The following MEGF11 variants were observed in gnomAD, a reference collection of about 807,000 sequenced individuals.
MEGF11 encodes the protein multiple epidermal growth factor-like domains protein 11.
Under a neutral mutation model 146.6 loss-of-function variants are expected in MEGF11, and 126 were observed. The observed-to-expected ratio is 0.86, with a 90% CI of 0.74 to 1.00. The LOEUF (loss-of-function observed/expected upper bound fraction) is 1.00, where lower values mean the gene tolerates loss of function less well. Among genes scored for constraint, MEGF11 ranks in the 50% least tolerant of loss-of-function variants. MEGF11 has a pLI of 0.00. For synonymous variants in MEGF11, 532 were observed against 583.4 expected (o/e 0.91, Z 1.27); for missense variants, 1,509 against 1,521.2 (o/e 0.99, Z 0.13).
At chr15:66,037,062 A>C (rs1307251696) in intron 5 of MEGF11, among the ~76,000 whole-genome samples, 1 of 152,190 alleles carries the variant, frequency 6.6e-6, no homozygotes, top group Non-Finnish European at 1.5e-5. Context: ...GCTGATAATG[A>C]CATTTCATGG....
chr15:66,063,743 G>T (rs1395315851), intron 5 of MEGF11, among the ~76,000 whole-genome samples: 2 of 152,182 alleles, frequency 1.3e-5, no homozygotes, highest in Non-Finnish European at 2.9e-5. Context: ...CTACACTTGG[G>T]AGTTCTCCAT....
At chr15:66,137,942 C>A (rs542586961) in intron 1 of MEGF11, among the ~76,000 whole-genome samples, 1 of 152,214 alleles carries the variant, frequency 6.6e-6, no homozygotes, top group South Asian at 2.1e-4. Context: ...GCCTGCAGTC[C>A]CAGCTACTCA....
At chr15:65,970,510 G>C (rs2081266243) in intron 8 of MEGF11, 43 bp downstream of exon 8, 1 of 1,595,328 alleles carries the variant, frequency 6.3e-7, no homozygotes, top group Non-Finnish European at 8.6e-7. Flanking sequence ...CTATGAATAT[G>C]AGTAAAATGG....
chr15:66,233,621 A>G (rs2092020960), intron 1 of MEGF11, among the ~76,000 whole-genome samples: 1 of 152,222 alleles, frequency 6.6e-6, no homozygotes, highest in African/African-American at 2.4e-5. Flanking sequence ...AAGTCACCAC[A>G]GCAAATGCCT....
chr15:65,978,004 G>A (rs1020921465), intron 7 of MEGF11, among the ~76,000 whole-genome samples: 10 of 152,372 alleles, frequency 6.6e-5, no homozygotes, highest in African/African-American at 2.4e-4. Context: ...CAGGCTTCAT[G>A]TTGGGCTAGC....
chr15:66,227,191 G>A (rs542271476), intron 1 of MEGF11, among the ~76,000 whole-genome samples: 140 of 152,186 alleles, frequency 9.2e-4, no homozygotes, highest in South Asian at 4.6e-3. Context: ...GCGGTTCGTG[G>A]AGGATGCCTT....
chr15:66,106,977 C>A (rs2140821934), intron 4 of MEGF11, among the ~76,000 whole-genome samples: 1 of 152,258 alleles, frequency 6.6e-6, no homozygotes. Context: ...GCTAGCCACA[C>A]AGGGGACCTC....
intron 21 of MEGF11, chr15:65,910,032 T>G (rs2078750501): frequency 1.5e-6 from 1 of 671,108 alleles, no homozygotes. Context: ...GGGCTGAAGT[T>G]GTAGGGTTCC....
At chr15:66,244,918 C>T (rs920710040) in intron 1 of MEGF11, among the ~76,000 whole-genome samples, 1 of 152,136 alleles carries the variant, frequency 6.6e-6, no homozygotes, top group Non-Finnish European at 1.5e-5. Flanking sequence ...GCCTTGGGTC[C>T]CAGGGGTCTT....
chr15:66,009,682 T>C lies in MEGF11; in HGVS notation c.395-27194A>G, dbSNP rs183230648. ...AGCTCGGTTCACTGCAAGCTCCACC[T>C]CCCGGGTTCACGCCATTCTCCTGCC... On this transcript the variant is annotated intron_variant, in intron 5 of 25. Coordinates refer to ENST00000395614, the MANE Select transcript of MEGF11 (RefSeq NM_001385028.1). 1.8e-4 allele frequency among the ~76,000 whole-genome samples: 27 copies of C among 150,834 alleles called. No homozygotes were observed. The East Asian group carries it at 5.1e-3, about 29-fold the overall frequency.
intron 10 of MEGF11, among the ~76,000 whole-genome samples, chr15:65,956,581 T>C (rs1264716606): frequency 1.3e-5 from 2 of 152,186 alleles, no homozygotes; most frequent in East Asian, 3.8e-4. Context: ...AACTGCACAA[T>C]TGTACCACTT....
At chr15:66,067,328 C>T (rs935040403) in intron 5 of MEGF11, among the ~76,000 whole-genome samples, 7 of 152,164 alleles carry the variant, frequency 4.6e-5, no homozygotes, top group Non-Finnish European at 8.8e-5. Flanking sequence ...TGCCTAGTAC[C>T]TCAGTAAAAT....
chr15:66,026,404 C>T (rs2083332861), intron 5 of MEGF11, among the ~76,000 whole-genome samples: 1 of 152,192 alleles, frequency 6.6e-6, no homozygotes, highest in East Asian at 1.9e-4. Flanking sequence ...TCCGGCTTCT[C>T]AGGAAACGCT....
intron 5 of MEGF11, among the ~76,000 whole-genome samples, chr15:66,079,145 G>A (rs1057025374): frequency 4.6e-5 from 7 of 152,168 alleles, no homozygotes; most frequent in Non-Finnish European, 5.9e-5. Context: ...TCAAGAATGG[G>A]GAGAGCAGTG....
At chr15:66,091,329 T>C (rs12148647) in intron 5 of MEGF11, among the ~76,000 whole-genome samples, 13,084 of 152,268 alleles carry the variant, frequency 0.086, 787 homozygotes, top group Non-Finnish European at 0.13. Flanking sequence ...GACTCCTCTA[T>C]CTCCACAGCA....
chr15:66,013,979 CT>C lies in MEGF11; in HGVS notation c.395-31492del, dbSNP rs527560497. Reference sequence around the variant, plus strand: ...CTGGGGCCAGGAAAGTGACTGCAGGCTTTGAGCAGAGGAGGGCCATGGTTGG... The same window carrying C: ...CTGGGGCCAGGAAAGTGACTGCAGGCTTGAGCAGAGGAGGGCCATGGTTGG... On this transcript the variant is annotated intron_variant, in intron 5 of 25. Coordinates refer to ENST00000395614, the MANE Select transcript of MEGF11 (RefSeq NM_001385028.1). 7.0e-3 allele frequency among the ~76,000 whole-genome samples: 1,063 copies of C among 152,218 alleles called. 3 individuals are homozygous for C. Among genetic ancestry groups the C allele is most frequent in the Non-Finnish European group, 8.9e-3 (606 of 68,012 alleles).
intron 22 of MEGF11, 98 bp downstream of exon 22, chr15:65,909,642 A>T: frequency 8.2e-7 from 1 of 1,223,396 alleles, no homozygotes; most frequent in Non-Finnish European, 1.1e-6. Flanking sequence ...CCATGTTCAG[A>T]ACTCATAACC....
At chr15:66,188,162 A>G (rs2090763966) in intron 1 of MEGF11, among the ~76,000 whole-genome samples, 1 of 152,032 alleles carries the variant, frequency 6.6e-6, no homozygotes, top group Non-Finnish European at 1.5e-5. Context: ...TTGAAACAAC[A>G]CAATTGTCCA....
chr15:65,922,800 CG>C, intron 14 of MEGF11, 22 bp downstream of exon 14: 3 of 1,612,528 alleles, frequency 1.9e-6, no homozygotes, highest in Non-Finnish European at 2.5e-6. Context: ...CTGAGCTCTT[CG>C]GGGTCAGGGG....
Sources: gnomAD v4.1 joint callset for allele counts (sites outside exome capture counted in the v4.1 genomes callset) on GRCh38, gnomAD v4.1.1 for gene constraint, MANE v1.5 for transcripts, NCBI Gene and HGNC (gene_info 2026-07-23, HGNC 2026-07-21) for gene names.